The following TBC1D22A variants were observed in gnomAD, a reference collection of about 807,000 sequenced individuals.
The protein encoded by TBC1D22A is putative GTPase activator.
A neutral mutation model predicts 60.2 loss-of-function variants in TBC1D22A; 38 were observed. The ratio of observed to expected loss-of-function variants is 0.63; its 90% CI spans 0.49 to 0.83. The LOEUF (loss-of-function observed/expected upper bound fraction) is 0.83, where lower values mean the gene tolerates loss of function less well. Ranked by LOEUF, TBC1D22A falls within the 40% of genes least tolerant of loss-of-function variation. The probability of loss-of-function intolerance (pLI) is 0.00; values close to 1 mark genes in which losing one functional copy is unlikely to be tolerated. For missense variants in TBC1D22A, 628 were observed against 701.0 expected (o/e 0.90, Z 1.18); for synonymous variants, 302 against 281.7 (o/e 1.07, Z -0.72).
At chr22:46,941,206 T>TACACACACACACAC (rs1555959638) in intron 8 of TBC1D22A, among the ~76,000 whole-genome samples, 3 of 55,786 alleles carry the variant, frequency 5.4e-5, no homozygotes, top group African/African-American at 2.7e-4. Flanking sequence ...TGTATATATG[T>TACACACACACACAC]ATACACACAC....
rs537988807 is a variant in TBC1D22A at position 46,824,491 on chromosome 22, A to G, written c.637+26871A>G. Among the ~76,000 whole-genome samples, 5 of 152,212 alleles carry G rather than the reference A, an allele frequency of 3.3e-5. No homozygotes were observed. In the East Asian group the frequency reaches 7.7e-4, roughly 24 times the overall value. The stretch of plus-strand genomic sequence containing the variant: ...GGAGCTTGGAGGCGAGCGAGGAGGG[A>G]GGGGAATCAGAGCTGCATCCTGCAG... On this transcript the variant is annotated intron_variant, in intron 4 of 12. Coordinates refer to ENST00000337137, the MANE Select transcript of TBC1D22A (RefSeq NM_014346.5).
Position 47,159,404 on chromosome 22 carries a change from C to T in TBC1D22A, c.1426-14094C>T, listed in dbSNP as rs111213414. Among the ~76,000 whole-genome samples the T allele has an allele frequency of 3.7e-3, 565 of 151,434 alleles. 5 individuals are homozygous for T. The highest frequency in any genetic ancestry group is 0.012 in the African/African-American group (503 of 41,196). On this transcript the variant is annotated intron_variant, in intron 12 of 12. Coordinates refer to ENST00000337137, the MANE Select transcript of TBC1D22A (RefSeq NM_014346.5). ...ACAGACACACCACACACCACACTCT[C>T]ACCATGTATACACACAGACACCATA...
chr22:46,817,976 T>G (rs1305609469), intron 4 of TBC1D22A, among the ~76,000 whole-genome samples: 2 of 152,242 alleles, frequency 1.3e-5, no homozygotes, highest in East Asian at 1.9e-4. Flanking sequence ...GGTGTCTCAT[T>G]GTGGTTTTGA....
intron 12 of TBC1D22A, among the ~76,000 whole-genome samples, chr22:47,117,893 C>T (rs542906033): frequency 3.3e-5 from 5 of 152,228 alleles, no homozygotes; most frequent in Admixed American, 6.5e-5. Flanking sequence ...GAGGCAGAGG[C>T]GGGCGGATCA....
intron 8 of TBC1D22A, among the ~76,000 whole-genome samples, chr22:46,964,482 G>T (rs2073701489): frequency 6.6e-6 from 1 of 152,060 alleles, no homozygotes; most frequent in South Asian, 2.1e-4. Flanking sequence ...GTTTCTTTTT[G>T]TTGAGAAATT....
intron 12 of TBC1D22A, among the ~76,000 whole-genome samples, chr22:47,130,042 G>A (rs549791019): frequency 2.6e-5 from 4 of 152,334 alleles, no homozygotes; most frequent in Admixed American, 6.5e-5. Flanking sequence ...CTGGGGTGGT[G>A]TGCCTGGACT....
chr22:46,908,017 G>C (rs904508043), intron 7 of TBC1D22A, among the ~76,000 whole-genome samples: 2 of 152,226 alleles, frequency 1.3e-5, no homozygotes, highest in Non-Finnish European at 2.9e-5. Flanking sequence ...CCAGAGAGCA[G>C]GGAGCGGCCA....
intron 8 of TBC1D22A, 127 bp downstream of exon 8, chr22:46,912,315 A>G: frequency 7.9e-6 from 5 of 631,822 alleles, no homozygotes; most frequent in Non-Finnish European, 1.3e-5. Context: ...ATATTAGAGA[A>G]TAATAGTTTT....
chr22:47,140,363 A>G (rs2067034212), intron 12 of TBC1D22A, among the ~76,000 whole-genome samples: 1 of 151,804 alleles, frequency 6.6e-6, no homozygotes, highest in Non-Finnish European at 1.5e-5. Flanking sequence ...CGAGGTCAGG[A>G]GATCGAGACC....
At chr22:47,103,544 G>A (rs1260332428) in intron 11 of TBC1D22A, among the ~76,000 whole-genome samples, 1 of 152,168 alleles carries the variant, frequency 6.6e-6, no homozygotes. Flanking sequence ...CCTGAAGGCA[G>A]TGGGTATTTA....
intron 12 of TBC1D22A, among the ~76,000 whole-genome samples, chr22:47,131,823 A>G (rs60057652): frequency 0.02 from 3,057 of 152,252 alleles, 110 homozygotes; most frequent in African/African-American, 0.07. Context: ...GCGATCCCAC[A>G]TGGGAGCCAG....
chr22:46,978,690 ACCTCCG>A (rs2074399823), intron 9 of TBC1D22A, among the ~76,000 whole-genome samples: 1 of 152,096 alleles, frequency 6.6e-6, no homozygotes, highest in South Asian at 2.1e-4. Context: ...GTTCACTGCA[ACCTCCG>A]CCTCCCAGGT....
chr22:47,066,379 G>T (rs1167493889), intron 11 of TBC1D22A, among the ~76,000 whole-genome samples: 1 of 152,132 alleles, frequency 6.6e-6, no homozygotes, highest in East Asian at 1.9e-4. Context: ...GGGACTAGAG[G>T]GCACATGAGG....
intron 10 of TBC1D22A, among the ~76,000 whole-genome samples, chr22:47,007,791 C>T (rs1462978874): frequency 1.3e-5 from 2 of 152,142 alleles, no homozygotes; most frequent in Non-Finnish European, 2.9e-5. Flanking sequence ...AGGGTCCCAC[C>T]CTCACAATCG....
chr22:47,043,617 A>G (rs931833618), intron 11 of TBC1D22A, among the ~76,000 whole-genome samples: 4 of 151,926 alleles, frequency 2.6e-5, no homozygotes, highest in Admixed American at 6.5e-5. Flanking sequence ...TTTCCAGGGG[A>G]GGAGGAGGCT....
intron 12 of TBC1D22A, among the ~76,000 whole-genome samples, chr22:47,142,571 T>C (rs1420414321): frequency 3.4e-4 from 19 of 55,550 alleles, no homozygotes; most frequent in Non-Finnish European, 3.8e-4. Flanking sequence ...TCTATCCACC[T>C]ACCCATTCAC....
At chr22:46,928,997 G>A (rs375935221) in intron 8 of TBC1D22A, among the ~76,000 whole-genome samples, 14 of 152,238 alleles carry the variant, frequency 9.2e-5, no homozygotes, top group Non-Finnish European at 1.3e-4. Context: ...AGTTTCTTCT[G>A]GGGGGAGGCA....
At chr22:46,773,691 C>T (rs985642722) in intron 1 of TBC1D22A, among the ~76,000 whole-genome samples, 3 of 152,076 alleles carry the variant, frequency 2.0e-5, no homozygotes, top group Non-Finnish European at 2.9e-5. Flanking sequence ...AGGCTGGTCC[C>T]GAACTCCTGA....
chr22:47,031,814 C>T (rs886884822), intron 10 of TBC1D22A, among the ~76,000 whole-genome samples: 2 of 152,108 alleles, frequency 1.3e-5, no homozygotes, highest in Non-Finnish European at 2.9e-5. Context: ...GCAGGTTAGC[C>T]GGCCATTGCA....
Sources: allele counts gnomAD v4.1 joint callset (sites outside exome capture counted in the v4.1 genomes callset), GRCh38; gene constraint gnomAD v4.1.1; transcripts MANE v1.5; gene names NCBI Gene and HGNC (gene_info 2026-07-23, HGNC 2026-07-21).